SLC9A4: variants seen among roughly 807,000 people sequenced by gnomAD.
SLC9A4 encodes sodium/hydrogen exchanger 4.
Under a neutral mutation model 67.4 loss-of-function variants are expected in SLC9A4, and 63 were observed. That is an observed-to-expected ratio of 0.93 (90% CI 0.76 to 1.15). The LOEUF (loss-of-function observed/expected upper bound fraction) is 1.15. Among genes scored for constraint, SLC9A4 ranks in the 50% most tolerant of loss-of-function variants. The pLI is 0.00. For missense variants in SLC9A4, 1,089 were observed against 987.7 expected (o/e 1.10, Z -1.38); for synonymous variants, 393 against 367.2 (o/e 1.07, Z -0.80).
intron 2 of SLC9A4, among the ~76,000 whole-genome samples, chr2:102,492,150 T>G (rs1335064695): frequency 6.6e-6 from 1 of 152,212 alleles, no homozygotes; most frequent in African/African-American, 2.4e-5. Flanking sequence ...CCCAGCTGCT[T>G]TCATGGGCTG....
chr2:102,526,337 G>A lies in SLC9A4; in HGVS notation c.2029G>A (p.Gly677Arg), dbSNP rs1350307089. 2.5e-6 allele frequency: 4 copies of A among 1,613,714 alleles called. No individual in the cohort carries two copies. The highest frequency in any genetic ancestry group is 1.7e-4 in the Middle Eastern group (1 of 6,052). Residue 677 changes from glycine to arginine, a missense_variant, in exon 11 of 12, where the codon GGG becomes AGG. By Grantham distance (125) the Gly-to-Arg change is moderately radical. Transcript: ENST00000295269. ...QSAGRDTRAA[G>R]FSDDDSSDPG... ...TGCAGGAAGAGACACAAGGGCTGCT[G>A]GGTTCTCAGGTAAGCTGCCCACCTG...
chr2:102,519,463 A>AT (rs1406468869), intron 8 of SLC9A4, among the ~76,000 whole-genome samples: 5 of 152,022 alleles, frequency 3.3e-5, no homozygotes, highest in South Asian at 2.1e-4. Context: ...TGAATGAATC[A>AT]TTTTTTTTCT....
intron 8 of SLC9A4, among the ~76,000 whole-genome samples, chr2:102,514,488 A>C (rs936899421): frequency 6.6e-6 from 1 of 152,186 alleles, no homozygotes; most frequent in African/African-American, 2.4e-5. Context: ...GAGTTGTATG[A>C]CATCTTTCTT....
chr2:102,495,883 T>C (rs1032739604), intron 2 of SLC9A4, among the ~76,000 whole-genome samples: 1 of 151,850 alleles, frequency 6.6e-6, no homozygotes, highest in African/African-American at 2.4e-5. Flanking sequence ...ATAGATGAAA[T>C]GGAAAAGGTA....
At chr2:102,484,526 G>T (rs1354288003) in intron 2 of SLC9A4, among the ~76,000 whole-genome samples, 1 of 152,208 alleles carries the variant, frequency 6.6e-6, no homozygotes, top group East Asian at 1.9e-4. Context: ...CCAACCTGGA[G>T]TAAGCACTCA....
chr2:102,517,413 G>A (rs867225938), intron 8 of SLC9A4, among the ~76,000 whole-genome samples: 27 of 152,232 alleles, frequency 1.8e-4, no homozygotes, highest in Middle Eastern at 6.8e-3. Flanking sequence ...TAGAATTGAA[G>A]CTTCTTTTTA....
intron 3 of SLC9A4, 42 bp downstream of exon 3, chr2:102,503,749 A>C: frequency 6.2e-7 from 1 of 1,601,212 alleles, no homozygotes; most frequent in South Asian, 1.1e-5. Context: ...TAATAGAAAG[A>C]AAGTTTAGAA....
intron 3 of SLC9A4, among the ~76,000 whole-genome samples, chr2:102,504,284 C>T (rs567972116): frequency 2.8e-4 from 42 of 152,252 alleles, no homozygotes; most frequent in African/African-American, 9.6e-4. Context: ...GATCTCCTGA[C>T]CTCGTGATCT....
chr2:102,528,232 T>C (rs1199087718), intron 11 of SLC9A4, among the ~76,000 whole-genome samples: 2 of 152,128 alleles, frequency 1.3e-5, no homozygotes, highest in Admixed American at 6.5e-5. Flanking sequence ...AGTCTTGAAC[T>C]CCTGACCTCA....
intron 2 of SLC9A4, among the ~76,000 whole-genome samples, chr2:102,483,799 CAT>C (rs61195337): frequency 0.024 from 2,703 of 113,778 alleles, 36 homozygotes; most frequent in East Asian, 0.11. Flanking sequence ...CCATGTACAG[CAT>C]ATATATATAT....
rs373405622 is a variant in SLC9A4 at position 102,481,089 on chromosome 2, G to A, written c.720+1787G>A. ...CCTGGTACCCTTGATAAGGAGGGTG[G>A]TTTGGCTGGGGCACCTTATCCAGGG... On this transcript the variant is annotated intron_variant, in intron 2 of 11. Coordinates refer to ENST00000295269, the MANE Select transcript of SLC9A4 (RefSeq NM_001011552.4). Among the ~76,000 whole-genome samples the A allele has an allele frequency of 9.9e-3, 1,505 of 152,276 alleles. 11 individuals are homozygous for A. Among genetic ancestry groups the A allele is most frequent in the Non-Finnish European group, 0.017 (1,172 of 68,024 alleles).
intron 1 of SLC9A4, among the ~76,000 whole-genome samples, chr2:102,474,624 T>A (rs1450138164): frequency 1.3e-5 from 2 of 152,178 alleles, no homozygotes; most frequent in Non-Finnish European, 1.5e-5. Flanking sequence ...CTAATTTCCT[T>A]TGTGAAATAA....
rs754134962 is a variant in SLC9A4 at position 102,532,390 on chromosome 2, G to C, written c.2099G>C (p.Gly700Ala). The C allele has an allele frequency of 6.2e-7, 1 of 1,614,160 alleles. No homozygotes were observed. Among genetic ancestry groups the C allele is most frequent in the Non-Finnish European group, 8.5e-7 (1 of 1,180,038 alleles). ...SITFSACSRI[G>A]SLQKQEAQEI... ...ACGTTCAGCGCATGCTCTCGGATAGGGTCACTTCAGAAGCAAGAGGCACAA... is the reference window on the plus strand; with the variant it reads ...ACGTTCAGCGCATGCTCTCGGATAGCGTCACTTCAGAAGCAAGAGGCACAA... The change falls in exon 12 of 12, where the codon GGG becomes GCG. Residue 700 changes from glycine (G) to alanine (A), a missense_variant. Coordinates refer to ENST00000295269, the MANE Select transcript of SLC9A4 (RefSeq NM_001011552.4).
intron 6 of SLC9A4, among the ~76,000 whole-genome samples, chr2:102,509,875 A>G (rs1363569633): frequency 6.6e-6 from 1 of 152,218 alleles, no homozygotes; most frequent in Non-Finnish European, 1.5e-5. Context: ...AAAAGGAGTC[A>G]TCGATACTAA....
At chr2:102,496,526 C>T (rs1359943547) in intron 2 of SLC9A4, among the ~76,000 whole-genome samples, 2 of 152,164 alleles carry the variant, frequency 1.3e-5, no homozygotes, top group Non-Finnish European at 2.9e-5. Context: ...AAACATTTAG[C>T]AGAGACTTAG....
intron 11 of SLC9A4, among the ~76,000 whole-genome samples, chr2:102,529,849 G>C (rs1674743788): frequency 6.6e-6 from 1 of 152,124 alleles, no homozygotes; most frequent in Non-Finnish European, 1.5e-5. Context: ...GCTGGTTTGG[G>C]GGACTTCACA....
chr2:102,508,386 C>T (rs1322172027), intron 5 of SLC9A4, 105 bp downstream of exon 5: 23 of 1,062,608 alleles, frequency 2.2e-5, no homozygotes, highest in African/African-American at 3.2e-5. Flanking sequence ...CAGATCTGTG[C>T]TCAATACCCA....
chr2:102,519,919 C>T lies in SLC9A4; in HGVS notation c.1782C>T (p.Asp594=). ...LSPEDVESIR[D]ILTSNMYQVR... ...CTGAAGATGTGGAGTCCATAAGGGA[C>T]ATTCTGACATCCAACATGTACCAAG... is the stretch of plus-strand genomic sequence containing the variant. The change falls in exon 9 of 12, where the codon GAC becomes GAT. Residue 594 remains aspartate (D), a synonymous_variant. Transcript: ENST00000295269. 6.2e-7 allele frequency: 1 copy of T among 1,613,738 alleles called. No individual in the cohort carries two copies. Among genetic ancestry groups the T allele is most frequent in the Non-Finnish European group, 8.5e-7 (1 of 1,179,728 alleles).
chr2:102,476,965 T>A (rs1436494656), intron 1 of SLC9A4, among the ~76,000 whole-genome samples: 12 of 152,242 alleles, frequency 7.9e-5, no homozygotes, highest in Non-Finnish European at 1.8e-4. Context: ...ATGGTATTCC[T>A]TGGTGATAAT....
Sources: gnomAD v4.1 joint callset for allele counts (sites outside exome capture counted in the v4.1 genomes callset) on GRCh38, gnomAD v4.1.1 for gene constraint, MANE v1.5 for transcripts, NCBI Gene and HGNC (gene_info 2026-07-23, HGNC 2026-07-21) for gene names.